Variants in FNDC3B observed in about 807,000 individuals in gnomAD.
The protein encoded by FNDC3B is fibronectin type III domain-containing protein 3B.
In FNDC3B, 12 loss-of-function variants were observed where a neutral mutation model predicts 151.5. That is an observed-to-expected ratio of 0.08 (90% CI 0.05 to 0.13). The LOEUF (loss-of-function observed/expected upper bound fraction) is 0.13. Among genes scored for constraint, FNDC3B ranks in the 10% least tolerant of loss-of-function variants. The probability of loss-of-function intolerance (pLI) is 1.00; values close to 1 mark genes in which losing one functional copy is unlikely to be tolerated. For missense variants in FNDC3B, 1,214 were observed against 1,505.3 expected (o/e 0.81, Z 3.20); for synonymous variants, 528 against 549.0 (o/e 0.96, Z 0.54).
chr3:172,371,017 T>C (rs1004924005), intron 23 of FNDC3B, among the ~76,000 whole-genome samples: 2 of 152,184 alleles, frequency 1.3e-5, no homozygotes, highest in African/African-American at 4.8e-5. Context: ...CTGTATGGAT[T>C]TGGACAAATG....
At chr3:172,098,382 C>T (rs1719194095) in intron 1 of FNDC3B, among the ~76,000 whole-genome samples, 1 of 152,184 alleles carries the variant, frequency 6.6e-6, no homozygotes, top group South Asian at 2.1e-4. Context: ...TCATTGTTAA[C>T]ATGATACTAC....
At chr3:172,070,056 T>A (rs1717691086) in intron 1 of FNDC3B, among the ~76,000 whole-genome samples, 1 of 152,212 alleles carries the variant, frequency 6.6e-6, no homozygotes. Context: ...TTCCAGTCTC[T>A]GAATTCCAGG....
chr3:172,062,136 C>T (rs1256554347), intron 1 of FNDC3B, among the ~76,000 whole-genome samples: 1 of 152,058 alleles, frequency 6.6e-6, no homozygotes, highest in African/African-American at 2.4e-5. Context: ...TGATCAGTGC[C>T]AGCATGACCA....
intron 4 of FNDC3B, among the ~76,000 whole-genome samples, chr3:172,231,048 C>G (rs1384621700): frequency 6.6e-6 from 1 of 152,160 alleles, no homozygotes; most frequent in Non-Finnish European, 1.5e-5. Context: ...AAAGTGGAAA[C>G]AACCCAAATG....
intron 23 of FNDC3B, among the ~76,000 whole-genome samples, chr3:172,366,692 A>T (rs1207815720): frequency 6.6e-6 from 1 of 152,210 alleles, no homozygotes; most frequent in South Asian, 2.1e-4. Flanking sequence ...TGACACATGC[A>T]CAAGGTATAG....
chr3:172,295,312 G>A, intron 7 of FNDC3B, 51 bp from the exon 8 acceptor site: 2 of 1,556,462 alleles, frequency 1.3e-6, no homozygotes, highest in Admixed American at 1.9e-5. Context: ...TAATAATTCT[G>A]AAAATGTAAA....
chr3:172,223,244 T>C (rs984386655), intron 3 of FNDC3B, among the ~76,000 whole-genome samples: 5 of 152,206 alleles, frequency 3.3e-5, no homozygotes, highest in Non-Finnish European at 7.3e-5. Context: ...CGTACCACTA[T>C]GGTGAATGAG....
At chr3:172,316,985 G>A (rs1731815092) in intron 11 of FNDC3B, among the ~76,000 whole-genome samples, 1 of 152,202 alleles carries the variant, frequency 6.6e-6, no homozygotes. Flanking sequence ...AGGAGGGCAA[G>A]ACAGCGCAAG....
chr3:172,272,766 AT>A (rs1301408278), intron 6 of FNDC3B, among the ~76,000 whole-genome samples: 1 of 152,156 alleles, frequency 6.6e-6, no homozygotes. Context: ...TGCTAGGGAA[AT>A]CAACTTTAGG....
chr3:172,173,733 A>G (rs1723400375), intron 3 of FNDC3B, among the ~76,000 whole-genome samples: 1 of 150,156 alleles, frequency 6.7e-6, no homozygotes, highest in Non-Finnish European at 1.5e-5. Context: ...AGGTGGGAGG[A>G]TCTCTTGAGC....
At chr3:172,330,417 C>A in intron 12 of FNDC3B, 124 bp from the exon 13 acceptor site, 1 of 750,180 alleles carries the variant, frequency 1.3e-6, no homozygotes. Flanking sequence ...AGCATCCTTA[C>A]CTGGCTTTGC....
chr3:172,304,458 G>A (rs948853662), intron 9 of FNDC3B, among the ~76,000 whole-genome samples: 1 of 152,212 alleles, frequency 6.6e-6, no homozygotes, highest in African/African-American at 2.4e-5. Context: ...AGCTAAACTG[G>A]GTTGGGTAAG....
intron 3 of FNDC3B, among the ~76,000 whole-genome samples, chr3:172,213,448 C>T (rs1725827772): frequency 6.6e-6 from 1 of 152,222 alleles, no homozygotes; most frequent in Admixed American, 6.5e-5. Flanking sequence ...GATGAAGAAA[C>T]TCCTATCTTC....
intron 3 of FNDC3B, among the ~76,000 whole-genome samples, chr3:172,155,023 C>T (rs1056299648): frequency 1.3e-5 from 2 of 151,436 alleles, no homozygotes; most frequent in Non-Finnish European, 2.9e-5. Context: ...CACTGGGGGG[C>T]GGCAGTAGGA....
chr3:172,324,041 G>A (rs1213117783), intron 11 of FNDC3B, among the ~76,000 whole-genome samples: 1 of 152,162 alleles, frequency 6.6e-6, no homozygotes, highest in Non-Finnish European at 1.5e-5. Context: ...CTTAGGGCAG[G>A]TGAACTCTGT....
In FNDC3B at chr3:172,047,371, A is replaced by C. The variant is rs573195168; in HGVS notation, c.-29+7600A>C. ...TAGATGTAGCTAATTAGGGATTTGC[A>C]ATTATCTAGGCAAGGCTAGGATAAA... On this transcript the variant is annotated intron_variant, in intron 1 of 25. Transcript: ENST00000415807. Among the ~76,000 whole-genome samples the C allele has an allele frequency of 3.2e-4, 48 of 152,332 alleles. 1 individual carries two copies. In the South Asian group the frequency reaches 9.7e-3, roughly 31 times the overall value.
At chr3:172,256,944 T>C (rs1364241757) in intron 6 of FNDC3B, among the ~76,000 whole-genome samples, 1 of 152,156 alleles carries the variant, frequency 6.6e-6, no homozygotes, top group Non-Finnish European at 1.5e-5. Context: ...CTTTTTTTTT[T>C]TTTTGAGACA....
At chr3:172,071,526 T>G (rs1717771685) in intron 1 of FNDC3B, among the ~76,000 whole-genome samples, 1 of 152,208 alleles carries the variant, frequency 6.6e-6, no homozygotes, top group Admixed American at 6.5e-5. Context: ...GTCCATTAAT[T>G]GATTCACTAA....
intron 1 of FNDC3B, among the ~76,000 whole-genome samples, chr3:172,052,410 GAC>G (rs1716710403): frequency 6.6e-6 from 1 of 152,140 alleles, no homozygotes; most frequent in Non-Finnish European, 1.5e-5. Context: ...TTCTAGAAAG[GAC>G]ATTTTAAGGG....
Sources: gnomAD v4.1 joint callset for allele counts (sites outside exome capture counted in the v4.1 genomes callset) on GRCh38, gnomAD v4.1.1 for gene constraint, MANE v1.5 for transcripts, NCBI Gene and HGNC (gene_info 2026-07-23, HGNC 2026-07-21) for gene names.